The following THSD7A variants were observed in gnomAD, a reference collection of about 807,000 sequenced individuals.
The protein encoded by THSD7A is thrombospondin type 1 domain containing 7A, also known as thrombospondin type-1 domain-containing protein 7A.
A neutral mutation model predicts 231.3 loss-of-function variants in THSD7A; 96 were observed. The ratio of observed to expected loss-of-function variants is 0.41; its 90% confidence interval spans 0.35 to 0.49. The LOEUF is 0.49. Ranked by LOEUF, THSD7A falls within the 20% of genes least tolerant of loss-of-function variation. THSD7A has a pLI of 0.05. For missense variants in THSD7A, 2,290 were observed against 2,070.2 expected, an observed-to-expected ratio of 1.11 and a Z score of -2.06; for synonymous variants, 940 against 743.3, an observed-to-expected ratio of 1.26 and a Z score of -4.30.
intron 3 of THSD7A, among the ~76,000 whole-genome samples, chr7:11,592,879 A>C (rs1780219620): frequency 6.6e-6 from 1 of 152,100 alleles, no homozygotes; most frequent in African/African-American, 2.4e-5. Flanking sequence ...ATATAAATAA[A>C]ATTGTATTGG....
intron 1 of THSD7A, among the ~76,000 whole-genome samples, chr7:11,768,929 T>C (rs1263350586): frequency 7.0e-6 from 1 of 143,104 alleles, no homozygotes; most frequent in East Asian, 2.0e-4. Context: ...TCATAATCCA[T>C]TTAATGGTTT....
At chr7:11,761,017 T>C (rs1782840675) in intron 1 of THSD7A, among the ~76,000 whole-genome samples, 1 of 149,950 alleles carries the variant, frequency 6.7e-6, no homozygotes, top group Non-Finnish European at 1.5e-5. Flanking sequence ...TACAAACATA[T>C]TGCTAAGATG....
chr7:11,420,463 G>A (rs1439373011), intron 16 of THSD7A, among the ~76,000 whole-genome samples: 7 of 152,232 alleles, frequency 4.6e-5, no homozygotes, highest in Non-Finnish European at 2.9e-5. Flanking sequence ...TGGGCCTGTG[G>A]GTGCACAAAA....
chr7:11,786,365 C>T (rs1239639292), intron 1 of THSD7A, among the ~76,000 whole-genome samples: 1 of 152,074 alleles, frequency 6.6e-6, no homozygotes, highest in Non-Finnish European at 1.5e-5. Flanking sequence ...GAGATTCTGT[C>T]ATTAAACAAA....
intron 6 of THSD7A, among the ~76,000 whole-genome samples, chr7:11,537,415 C>T (rs1032053843): frequency 1.3e-5 from 2 of 152,164 alleles, no homozygotes; most frequent in African/African-American, 4.8e-5. Flanking sequence ...CTTATGAACG[C>T]TTTAGCACTA....
At chr7:11,576,525 A>G (rs2128336404) in intron 4 of THSD7A, among the ~76,000 whole-genome samples, 1 of 152,286 alleles carries the variant, frequency 6.6e-6, no homozygotes, top group South Asian at 2.1e-4. Context: ...GCCGGTCTGG[A>G]TTTGATTCTG....
rs770506365 is a variant in THSD7A, at chr7:11,412,778, C to T, written c.3560G>A (p.Arg1187Gln). ...CVLPCNQSSF[R>Q]QRSADPIRQP... ...TCTGATGGGATCAGCTGACCTTTGCCGGAAACTGCTTTGATTGCAAGGCTT... is the reference window on the plus strand; with the variant it reads ...TCTGATGGGATCAGCTGACCTTTGCTGGAAACTGCTTTGATTGCAAGGCTT... The change falls in exon 18 of 28, where the codon CGG becomes CAG. Residue 1187 changes from arginine (R) to glutamine (Q), a missense_variant. Transcript: ENST00000423059. 19 of 1,612,640 alleles carry T rather than the reference C, an allele frequency of 1.2e-5. No individual in the cohort carries two copies. The highest frequency in any genetic ancestry group is 4.5e-5 in the East Asian group (2 of 44,858).
chr7:11,568,648 AAAAAAAC>A (rs1211725707), intron 4 of THSD7A, among the ~76,000 whole-genome samples: 3 of 145,552 alleles, frequency 2.1e-5, no homozygotes, highest in African/African-American at 7.5e-5. Context: ...AAAAAAAAAA[AAAAAAAC>A]CAAAATCTGG....
chr7:11,469,103 A>G (rs1453689737), intron 9 of THSD7A, among the ~76,000 whole-genome samples: 1 of 152,174 alleles, frequency 6.6e-6, no homozygotes, highest in African/African-American at 2.4e-5. Flanking sequence ...GTTAAGAAAC[A>G]TGAAAAAAAT....
Position 11,375,187 on chromosome 7 carries a change from G to A in THSD7A, c.*607C>T, listed in dbSNP as rs1337616430. 1 of 152,070 alleles carries A rather than the reference G, an allele frequency of 6.6e-6. No individual in the cohort carries two copies. The highest frequency in any genetic ancestry group is 2.4e-5 in the African/African-American group (1 of 41,524). The allele number at this position is 152,070 out of a possible 1,614,324, so 9.4% of individuals were successfully genotyped here. A position where few individuals can be genotyped will look rare whatever the true frequency, so the allele number is the denominator to read the frequency against. ...TTCTTACTTTGGAGAGAGACAAGAA[G>A]TCTTAAAAAAGAGGCTTTGTCTCTG... On this transcript the variant is annotated 3_prime_UTR_variant, in exon 28 of 28. Coordinates refer to ENST00000423059, the MANE Select transcript of THSD7A (RefSeq NM_015204.3).
intron 1 of THSD7A, among the ~76,000 whole-genome samples, chr7:11,714,276 A>G (rs573868915): frequency 2.6e-5 from 4 of 151,354 alleles, no homozygotes; most frequent in African/African-American, 7.2e-5. Context: ...TATGTATTTT[A>G]TCAATCAGTC....
chr7:11,706,217 T>C (rs1306873247), intron 1 of THSD7A, among the ~76,000 whole-genome samples: 2 of 150,994 alleles, frequency 1.3e-5, no homozygotes, highest in African/African-American at 2.4e-5. Flanking sequence ...TTTGTACACA[T>C]ATCTCTTATT....
intron 23 of THSD7A, among the ~76,000 whole-genome samples, chr7:11,388,414 C>T (rs1036775578): frequency 6.6e-6 from 1 of 152,072 alleles, no homozygotes; most frequent in Non-Finnish European, 1.5e-5. Flanking sequence ...CTGGTTTAGA[C>T]TTTGGAGGAT....
chr7:11,654,519 G>A (rs149704186), intron 1 of THSD7A, among the ~76,000 whole-genome samples: 1,861 of 151,922 alleles, frequency 0.012, 40 homozygotes, highest in African/African-American at 0.043. Flanking sequence ...TCAAAATTAG[G>A]GAGTCAGTAA....
At chr7:11,521,488 A>T (rs1347547735) in intron 6 of THSD7A, among the ~76,000 whole-genome samples, 5 of 126,060 alleles carry the variant, frequency 4.0e-5, no homozygotes, top group African/African-American at 1.3e-4. Flanking sequence ...TTATTTATTT[A>T]TTTATTTATT....
chr7:11,505,672 T>A (rs994180869), intron 6 of THSD7A, among the ~76,000 whole-genome samples: 1 of 152,172 alleles, frequency 6.6e-6, no homozygotes, highest in Non-Finnish European at 1.5e-5. Context: ...TCCATTAGAA[T>A]GAAAAATAAG....
chr7:11,780,626 G>A (rs1475707191), intron 1 of THSD7A, among the ~76,000 whole-genome samples: 1 of 152,124 alleles, frequency 6.6e-6, no homozygotes, highest in East Asian at 1.9e-4. Context: ...GCTCTTGACT[G>A]CATCCTCGTG....
At chr7:11,693,374 A>G (rs1170782114) in intron 1 of THSD7A, among the ~76,000 whole-genome samples, 4 of 151,524 alleles carry the variant, frequency 2.6e-5, no homozygotes, top group African/African-American at 4.8e-5. Flanking sequence ...TAGTAACTAG[A>G]TTAATTCTTA....
At chr7:11,566,177 G>A (rs931401590) in intron 4 of THSD7A, among the ~76,000 whole-genome samples, 5 of 152,284 alleles carry the variant, frequency 3.3e-5, no homozygotes, top group African/African-American at 2.4e-5. Context: ...GCAGCTTTCT[G>A]GAATGTGGCA....
Sources: gnomAD v4.1 joint callset for allele counts (sites outside exome capture counted in the v4.1 genomes callset) on GRCh38, gnomAD v4.1.1 for gene constraint, MANE v1.5 for transcripts, NCBI Gene and HGNC (gene_info 2026-07-23, HGNC 2026-07-21) for gene names.